ARHGAP10: variants seen among roughly 807,000 people sequenced by gnomAD.
ARHGAP10 encodes Rho GTPase activating protein 10, also known as rho GTPase-activating protein 10.
Under a neutral mutation model 108.6 loss-of-function variants are expected in ARHGAP10, and 87 were observed. The observed-to-expected ratio is 0.80, with a 90% CI of 0.67 to 0.96. The LOEUF is 0.96. Ranked by LOEUF, ARHGAP10 falls within the 40% of genes least tolerant of loss-of-function variation. The pLI is 0.00. For missense variants in ARHGAP10, 939 were observed against 954.5 expected (o/e 0.98, Z 0.21); for synonymous variants, 347 against 341.1 (o/e 1.02, Z -0.19).
At chr4:147,768,665 A>G (rs1273446072) in intron 1 of ARHGAP10, among the ~76,000 whole-genome samples, 1 of 152,168 alleles carries the variant, frequency 6.6e-6, no homozygotes, top group Non-Finnish European at 1.5e-5. Context: ...TAGAAGCTGA[A>G]TAAATTTGGT....
intron 1 of ARHGAP10, among the ~76,000 whole-genome samples, chr4:147,749,791 A>G (rs1729067441): frequency 6.6e-6 from 1 of 152,214 alleles, no homozygotes; most frequent in Admixed American, 6.5e-5. Flanking sequence ...GAGAACTGAG[A>G]CGGTCAAACT....
chr4:147,997,041 A>T (rs148630470), intron 18 of ARHGAP10, among the ~76,000 whole-genome samples: 4 of 152,358 alleles, frequency 2.6e-5, no homozygotes, highest in African/African-American at 9.6e-5. Flanking sequence ...CCATTCTCTC[A>T]TGTGACAGAA....
intron 4 of ARHGAP10, among the ~76,000 whole-genome samples, 186 bp from the exon 5 acceptor site, chr4:147,857,367 T>C (rs953014188): frequency 2.0e-5 from 3 of 152,228 alleles, no homozygotes; most frequent in African/African-American, 7.2e-5. Context: ...GTCTCTTCTA[T>C]CCTAATGCTG....
At chr4:147,990,580 G>A (rs759430537) in intron 18 of ARHGAP10, among the ~76,000 whole-genome samples, 1 of 152,152 alleles carries the variant, frequency 6.6e-6, no homozygotes, top group Non-Finnish European at 1.5e-5. Flanking sequence ...AGAAAATGTG[G>A]CACATATACA....
At chr4:147,811,520 T>G (rs1732018019) in intron 1 of ARHGAP10, among the ~76,000 whole-genome samples, 1 of 152,166 alleles carries the variant, frequency 6.6e-6, no homozygotes, top group Admixed American at 6.5e-5. Context: ...TCTTTTTGTT[T>G]TACTTAAAAG....
At chr4:147,958,239 A>C (rs1011911976) in intron 16 of ARHGAP10, among the ~76,000 whole-genome samples, 1 of 152,178 alleles carries the variant, frequency 6.6e-6, no homozygotes, top group Non-Finnish European at 1.5e-5. Context: ...TTTTGATAAG[A>C]GTGGACTCAT....
At chr4:147,772,129 C>T (rs527538187) in intron 1 of ARHGAP10, among the ~76,000 whole-genome samples, 2 of 152,178 alleles carry the variant, frequency 1.3e-5, no homozygotes, top group African/African-American at 4.8e-5. Flanking sequence ...GGGATCTCTC[C>T]TGAGAAGTTC....
intron 16 of ARHGAP10, among the ~76,000 whole-genome samples, chr4:147,961,617 C>T (rs896766087): frequency 6.6e-5 from 10 of 152,072 alleles, no homozygotes; most frequent in African/African-American, 9.7e-5. Context: ...TTCCCATTCT[C>T]TTGTTTTTTT....
At chr4:147,942,943 C>T (rs968929380) in intron 14 of ARHGAP10, among the ~76,000 whole-genome samples, 16 of 152,232 alleles carry the variant, frequency 1.1e-4, no homozygotes, top group East Asian at 3.8e-4. Flanking sequence ...GCCTCTAAGA[C>T]AGGGCGCACA....
At chr4:147,990,814 A>G (rs1159650157) in intron 18 of ARHGAP10, among the ~76,000 whole-genome samples, 1 of 152,154 alleles carries the variant, frequency 6.6e-6, no homozygotes, top group African/African-American at 2.4e-5. Context: ...AAAACTGCCT[A>G]TTAGACCCTG....
chr4:147,940,931 A>G (rs562375263), intron 14 of ARHGAP10, among the ~76,000 whole-genome samples: 1 of 152,354 alleles, frequency 6.6e-6, no homozygotes, highest in Admixed American at 6.5e-5. Context: ...ATTCACTTCC[A>G]TAAGCTGTTT....
At chr4:147,807,985 C>T (rs955764280) in intron 1 of ARHGAP10, among the ~76,000 whole-genome samples, 15 of 152,116 alleles carry the variant, frequency 9.9e-5, no homozygotes, top group South Asian at 6.2e-4. Flanking sequence ...AAAAAGGTAA[C>T]GGGAAAATGT....
chr4:147,868,914 T>C (rs1290766897), intron 7 of ARHGAP10, among the ~76,000 whole-genome samples: 1 of 152,126 alleles, frequency 6.6e-6, no homozygotes, highest in African/African-American at 2.4e-5. Context: ...GACCGGTACC[T>C]GTCGGCAGCC....
chr4:147,754,179 AT>A (rs1176274583), intron 1 of ARHGAP10, among the ~76,000 whole-genome samples: 1 of 152,168 alleles, frequency 6.6e-6, no homozygotes, highest in African/African-American at 2.4e-5. Context: ...GAAGTCTAGA[AT>A]GTTTATTTAG....
intron 13 of ARHGAP10, among the ~76,000 whole-genome samples, chr4:147,927,872 C>T (rs534147942): frequency 6.6e-6 from 1 of 152,250 alleles, no homozygotes; most frequent in Admixed American, 6.5e-5. Flanking sequence ...ATACTGGGAT[C>T]GGGAGACCTC....
In ARHGAP10 at chr4:147,955,511, G is replaced by A. The variant is rs536218364; in HGVS notation, c.1450+137G>A. 7 of 704,396 alleles carry A rather than the reference G, an allele frequency of 9.9e-6. No homozygotes were observed. The East Asian group carries it at 1.6e-4, about 16-fold the overall frequency. 43.6% of individuals were successfully genotyped at this position (704,396 alleles called of 1,614,324 possible). A position where few individuals can be genotyped will look rare whatever the true frequency, so the allele number is the denominator to read the frequency against. ...GAAATCGCTTTAAATGATGTTTGGTGCCTCCCCTCATCCTTGGGAGGTGAA... is the reference window on the plus strand; with the variant it reads ...GAAATCGCTTTAAATGATGTTTGGTACCTCCCCTCATCCTTGGGAGGTGAA... On this transcript the variant is annotated intron_variant, in intron 16 of 22. Coordinates refer to ENST00000336498, the MANE Select transcript of ARHGAP10 (RefSeq NM_024605.4).
Position 147,866,729 on chromosome 4 carries a change from G to T in ARHGAP10, c.615G>T (p.Gln205His), listed in dbSNP as rs1351103020. The T allele has an allele frequency of 9.9e-6, 16 of 1,612,178 alleles. No individual in the cohort carries two copies. The Admixed American group carries it at 2.0e-4, about 20-fold the overall frequency. Residue 205 changes from glutamine (Q) to histidine (H), a missense_variant, in exon 7 of 23, where the codon CAG (glutamine) becomes CAT (histidine). Coordinates refer to ENST00000336498, the MANE Select transcript of ARHGAP10 (RefSeq NM_024605.4). ...TGTCTTAGATGCTGTCATTTTTTCA[G>T]GGGATGTTTACCTTCTATCATCAGG... ...EFVEPMLSFF[Q>H]GMFTFYHQGH...
chr4:147,879,217 GT>G lies in ARHGAP10; in HGVS notation c.833-8del, dbSNP rs988036420. The G allele has an allele frequency of 6.2e-7, 1 of 1,604,754 alleles. No homozygotes were observed. The highest frequency in any genetic ancestry group is 1.1e-5 in the South Asian group (1 of 90,236). On this transcript the variant is annotated splice_polypyrimidine_tract_variant and intron_variant, in intron 8 of 22. Transcript: ENST00000336498. ...TTTATGAGGGAAAATATAAAGGGCT[GT>G]TTTTTTGTTGAAGGGCCTGCTCCGT...
At chr4:148,047,369 A>C (rs1339301377) in intron 20 of ARHGAP10, among the ~76,000 whole-genome samples, 2 of 152,216 alleles carry the variant, frequency 1.3e-5, no homozygotes, top group African/African-American at 4.8e-5. Flanking sequence ...TAGTTATGCA[A>C]ACTTTAGAGA....
Sources: allele counts gnomAD v4.1 joint callset (sites outside exome capture counted in the v4.1 genomes callset), GRCh38; gene constraint gnomAD v4.1.1; transcripts MANE v1.5; gene names NCBI Gene and HGNC (gene_info 2026-07-23, HGNC 2026-07-21).